RFXANK: variants seen among roughly 807,000 people sequenced by gnomAD.
RFXANK encodes the protein DNA-binding protein RFXANK.
RFXANK carries 19 observed loss-of-function variants against 34.5 expected under a neutral mutation model. That is an observed-to-expected ratio of 0.55 (90% CI 0.38 to 0.81). The LOEUF is 0.81. Among genes scored for constraint, RFXANK ranks in the 30% least tolerant of loss-of-function variants. RFXANK has a pLI of 0.00. For missense variants in RFXANK, 295 were observed against 343.5 expected (o/e 0.86, Z 1.12); for synonymous variants, 154 against 149.8 (o/e 1.03, Z -0.20).
At chr19:19,197,096 G>A (rs958141451) in intron 4 of RFXANK, 50 bp downstream of exon 4, 4 of 1,611,764 alleles carry the variant, frequency 2.5e-6, no homozygotes. Context: ...AGGGTGGGAG[G>A]GCCTGTGAGG....
At chr19:19,193,702 C>G (rs2146459081) in intron 2 of RFXANK, among the ~76,000 whole-genome samples, 1 of 152,270 alleles carries the variant, frequency 6.6e-6, no homozygotes, top group South Asian at 2.1e-4. Flanking sequence ...CCGTGAGCCA[C>G]TGTGCCCTGC....
chr19:19,197,103 G>T, intron 4 of RFXANK, 57 bp downstream of exon 4: 1 of 1,612,144 alleles, frequency 6.2e-7, no homozygotes, highest in Non-Finnish European at 8.5e-7. Flanking sequence ...GAGGGCCTGT[G>T]AGGAGCAATC....
chr19:19,198,267 T>C (rs1282405161), intron 7 of RFXANK, 35 bp downstream of exon 7: 2 of 1,613,430 alleles, frequency 1.2e-6, no homozygotes, highest in Non-Finnish European at 1.7e-6. Flanking sequence ...CCTCTCAGCC[T>C]CCTGGCCTTC....
intron 9 of RFXANK, among the ~76,000 whole-genome samples, chr19:19,201,090 C>T (rs2060706391): frequency 6.6e-6 from 1 of 152,038 alleles, no homozygotes; most frequent in Admixed American, 6.5e-5. Context: ...TGAGCCACCA[C>T]ACCCGGCTGC....
At chr19:19,194,181 G>T (rs780874799) in intron 3 of RFXANK, 48 bp downstream of exon 3, 1 of 1,574,398 alleles carries the variant, frequency 6.4e-7, no homozygotes, top group South Asian at 1.1e-5. Context: ...CATGATGATG[G>T]AATGTCAGGC....
rs1184147096 is a variant in RFXANK, at chr19:19,192,362, A to C, written c.-342A>C. 1 of 586,412 alleles carries C rather than the reference A, an allele frequency of 1.7e-6. No individual in the cohort carries two copies. The highest frequency in any genetic ancestry group is 3.0e-6 in the Non-Finnish European group (1 of 329,450). 36.3% of individuals were successfully genotyped at this position (586,412 alleles called of 1,614,324 possible). A position where few individuals can be genotyped will look rare whatever the true frequency, so the allele number is the denominator to read the frequency against. ...ACGGCCAGGAGGCTGGTGGAGCGAC[A>C]CCCAGGCAGGAGAGGGGGAAGAACT... is the stretch of plus-strand genomic sequence containing the variant. On this transcript the variant is annotated 5_prime_UTR_variant, in exon 1 of 10. Coordinates refer to ENST00000303088, the MANE Select transcript of RFXANK (RefSeq NM_003721.4).
At chr19:19,195,737 ATTTTT>A (rs61553021) in intron 3 of RFXANK, among the ~76,000 whole-genome samples, 1 of 105,688 alleles carries the variant, frequency 9.5e-6, no homozygotes, top group African/African-American at 3.8e-5. Context: ...CTGCTTTTAA[ATTTTT>A]TTTTTTTTTT....
chr19:19,199,366 C>T (rs1389480719), intron 9 of RFXANK, 132 bp downstream of exon 9: 3 of 883,150 alleles, frequency 3.4e-6, no homozygotes, highest in African/African-American at 3.3e-5. Context: ...TTGAGCACTG[C>T]TGTGTATCCC....
chr19:19,195,260 C>T (rs138952003), intron 3 of RFXANK, among the ~76,000 whole-genome samples: 5,618 of 141,970 alleles, frequency 0.04, 192 homozygotes, highest in Admixed American at 0.068. Flanking sequence ...GCTCCCTCCC[C>T]TCCCCTCGCC....
chr19:19,201,655 A>T lies in RFXANK; in HGVS notation c.719A>T (p.Gln240Leu). ...AVALGYRKVQ[Q>L]VIENHILKLF... ...TTTCCCTGCCCCATCTCAGTGCAACAGGTGATCGAGAACCACATCCTCAAG... is the reference window on the plus strand; with the variant it reads ...TTTCCCTGCCCCATCTCAGTGCAACTGGTGATCGAGAACCACATCCTCAAG... Residue 240 changes from glutamine (Q) to leucine (L), a missense_variant, in exon 10 of 10, where the codon CAG (glutamine) becomes CTG (leucine). By Grantham distance (113) the Gln-to-Leu change is moderately radical. Coordinates refer to ENST00000303088, the MANE Select transcript of RFXANK (RefSeq NM_003721.4). 1.2e-6 allele frequency: 2 copies of T among 1,614,140 alleles called. No individual in the cohort carries two copies. The highest frequency in any genetic ancestry group is 1.7e-6 in the Non-Finnish European group (2 of 1,180,032).
rs1326107852 is a variant in RFXANK, at chr19:19,193,963, C to T, written c.17C>T (p.Pro6Leu). 6.2e-7 allele frequency: 1 copy of T among 1,614,132 alleles called. No homozygotes were observed. Among genetic ancestry groups the T allele is most frequent in the Non-Finnish European group, 8.5e-7 (1 of 1,180,050 alleles). The change falls in exon 3 of 10, where the codon CCT becomes CTT. Residue 6 changes from proline to leucine, a missense_variant. By Grantham distance (98) the Pro-to-Leu change is moderately conservative. Transcript: ENST00000303088. ...GCTTTCCCCATGGAGCTTACCCAGC[C>T]TGCAGAAGACCTCATCCAGACCCAG... is the stretch of plus-strand genomic sequence containing the variant. MELTQ[P>L]AEDLIQTQQT...
intron 9 of RFXANK, 67 bp downstream of exon 9, chr19:19,199,301 C>A: frequency 7.1e-7 from 1 of 1,413,224 alleles, no homozygotes; most frequent in Non-Finnish European, 1.0e-6. Flanking sequence ...TAAAGGGGTA[C>A]ATGGGACACC....
chr19:19,199,045 C>G, intron 8 of RFXANK, 109 bp from the exon 9 acceptor site: 1 of 1,114,498 alleles, frequency 9.0e-7, no homozygotes, highest in South Asian at 1.3e-5. Flanking sequence ...CGGGCAGACC[C>G]ACGGCTGCAT....
At chr19:19,193,236 A>C (rs2060522530) in intron 2 of RFXANK, 136 bp downstream of exon 2, 1 of 152,410 alleles carries the variant, frequency 6.6e-6, no homozygotes, top group Admixed American at 6.6e-5. Flanking sequence ...CACGCTTAGC[A>C]GATCCCCCGA....
chr19:19,201,360 G>C (rs1315862386), intron 9 of RFXANK: 11 of 1,028,870 alleles, frequency 1.1e-5, no homozygotes, highest in Non-Finnish European at 1.6e-5. Context: ...TTATAGGTGT[G>C]AGCCACCATG....
intron 9 of RFXANK, 81 bp from the exon 10 acceptor site, chr19:19,201,568 G>A (rs1222696572): frequency 6.2e-7 from 1 of 1,610,068 alleles, no homozygotes; most frequent in Non-Finnish European, 8.5e-7. Flanking sequence ...TGTCCCCTAA[G>A]GGGAGAGCGC....
chr19:19,193,396 G>A (rs1454338371), intron 2 of RFXANK, among the ~76,000 whole-genome samples: 1 of 150,988 alleles, frequency 6.6e-6, no homozygotes, highest in African/African-American at 2.4e-5. Context: ...CCAGAGCCCC[G>A]GCTTTTTTTT....
At chr19:19,198,890 C>T (rs1011074424) in intron 8 of RFXANK, 167 bp downstream of exon 8, 1 of 796,928 alleles carries the variant, frequency 1.3e-6, no homozygotes, top group Non-Finnish European at 2.1e-6. Flanking sequence ...GTGGTAGGAC[C>T]ACACGGGAGT....
At chr19:19,197,315 A>T in intron 5 of RFXANK, 64 bp downstream of exon 5, 1 of 1,520,616 alleles carries the variant, frequency 6.6e-7, no homozygotes, top group Non-Finnish European at 9.1e-7. Context: ...ATGGGTGTCC[A>T]TACCCACTCA....
Sources: gnomAD v4.1 joint callset for allele counts (sites outside exome capture counted in the v4.1 genomes callset) on GRCh38, gnomAD v4.1.1 for gene constraint, MANE v1.5 for transcripts, NCBI Gene and HGNC (gene_info 2026-07-23, HGNC 2026-07-21) for gene names.